KIF6: variants seen among roughly 807,000 people sequenced by gnomAD.
KIF6 encodes kinesin-like protein KIF6.
A neutral mutation model predicts 112.7 loss-of-function variants in KIF6; 106 were observed. That is an observed-to-expected ratio of 0.94 (90% CI 0.80 to 1.11). KIF6 has a LOEUF of 1.11. Ranked by LOEUF, KIF6 falls within the 50% of genes least tolerant of loss-of-function variation. The pLI is 0.00. For synonymous variants in KIF6, 339 were observed against 339.9 expected, an observed-to-expected ratio of 1.00 and a Z score of 0.03; for missense variants, 929 against 964.0, an observed-to-expected ratio of 0.96 and a Z score of 0.48.
intron 12 of KIF6, 65 bp from the exon 13 acceptor site, chr6:39,540,286 T>C: frequency 1.0e-6 from 1 of 992,050 alleles, no homozygotes; most frequent in South Asian, 1.5e-5. Context: ...ACAAATGTCC[T>C]AAGTGTCATT....
At chr6:39,410,540 AC>A (rs1769405700) in intron 15 of KIF6, among the ~76,000 whole-genome samples, 1 of 152,238 alleles carries the variant, frequency 6.6e-6, no homozygotes, top group Non-Finnish European at 1.5e-5. Flanking sequence ...CTGACAATGA[AC>A]AACCTACCAT....
At chr6:39,564,688 C>T (rs1181749200) in intron 10 of KIF6, among the ~76,000 whole-genome samples, 1 of 152,104 alleles carries the variant, frequency 6.6e-6, no homozygotes, top group East Asian at 1.9e-4. Context: ...TCTTGGTGTG[C>T]TTTTGCTGTA....
chr6:39,679,358 T>A (rs1284049288), intron 3 of KIF6, among the ~76,000 whole-genome samples: 1 of 152,202 alleles, frequency 6.6e-6, no homozygotes, highest in African/African-American at 2.4e-5. Flanking sequence ...CACTGATGCT[T>A]ACCTTACCAC....
intron 13 of KIF6, among the ~76,000 whole-genome samples, chr6:39,495,395 T>A (rs1179479426): frequency 6.6e-6 from 1 of 152,146 alleles, no homozygotes; most frequent in Non-Finnish European, 1.5e-5. Context: ...CAGTGGGAAC[T>A]TCCTCAGCAG....
At chr6:39,541,874 A>C (rs1231748791) in intron 12 of KIF6, among the ~76,000 whole-genome samples, 1 of 152,188 alleles carries the variant, frequency 6.6e-6, no homozygotes, top group Non-Finnish European at 1.5e-5. Flanking sequence ...ACAGGCCCGG[A>C]AGTGGCTCCC....
intron 18 of KIF6, among the ~76,000 whole-genome samples, chr6:39,357,872 G>A (rs1764832778): frequency 6.6e-6 from 1 of 152,090 alleles, no homozygotes; most frequent in African/African-American, 2.4e-5. Flanking sequence ...GTCTAGGGAT[G>A]GTAAAGAATT....
chr6:39,545,589 ATGATGAAAACAG>A lies in KIF6; in HGVS notation c.1269_1280del (p.Cys424_His427del). Reference sequence around the variant, plus strand: ...GGGAAACATTTAAGTTTACCTTTAAATGATGAAAACAGTGATGAACTTTACGCATATCCGCGC... The same window carrying A: ...GGGAAACATTTAAGTTTACCTTTAAATGATGAACTTTACGCATATCCGCGC... On this transcript the variant is annotated inframe_deletion, in exon 11 of 23. Coordinates refer to ENST00000287152, the MANE Select transcript of KIF6 (RefSeq NM_145027.6). The A allele has an allele frequency of 6.2e-7, 1 of 1,608,282 alleles. No homozygotes were observed. The highest frequency in any genetic ancestry group is 8.5e-7 in the Non-Finnish European group (1 of 1,175,186).
At chr6:39,351,813 G>A (rs1006901627) in intron 19 of KIF6, among the ~76,000 whole-genome samples, 1 of 152,190 alleles carries the variant, frequency 6.6e-6, no homozygotes, top group Non-Finnish European at 1.5e-5. Flanking sequence ...TTATTCTCAT[G>A]GGGCAGATAC....
chr6:39,510,715 T>C (rs1290191508), intron 13 of KIF6, among the ~76,000 whole-genome samples: 1 of 151,864 alleles, frequency 6.6e-6, no homozygotes, highest in African/African-American at 2.4e-5. Context: ...TAAATGTAAA[T>C]GGGCTAAATG....
intron 3 of KIF6, among the ~76,000 whole-genome samples, chr6:39,644,617 A>G (rs1028205387): frequency 1.7e-4 from 25 of 148,068 alleles, no homozygotes; most frequent in Admixed American, 1.5e-3. Context: ...AAAATTCCAT[A>G]GAGATAGAAA....
chr6:39,365,960 C>T (rs781031810), intron 16 of KIF6, among the ~76,000 whole-genome samples: 4 of 152,176 alleles, frequency 2.6e-5, no homozygotes, highest in African/African-American at 4.8e-5. Context: ...TTAAAGGCTG[C>T]GGTCACCCCA....
intron 13 of KIF6, among the ~76,000 whole-genome samples, chr6:39,439,402 T>G (rs1161577727): frequency 6.6e-6 from 1 of 152,204 alleles, no homozygotes; most frequent in Non-Finnish European, 1.5e-5. Flanking sequence ...GAAATATGAA[T>G]GATTAAGAGA....
intron 7 of KIF6, among the ~76,000 whole-genome samples, chr6:39,586,658 A>G (rs1223276895): frequency 6.6e-6 from 1 of 152,238 alleles, no homozygotes; most frequent in Non-Finnish European, 1.5e-5. Context: ...AATAACCTGT[A>G]TAGAACTGGA....
intron 13 of KIF6, among the ~76,000 whole-genome samples, chr6:39,515,949 T>C (rs1472672905): frequency 1.3e-5 from 2 of 152,216 alleles, no homozygotes; most frequent in Admixed American, 1.3e-4. Flanking sequence ...TTCAGAATAA[T>C]AGTACCTAAT....
chr6:39,605,308 AT>A (rs1388034331), intron 6 of KIF6, among the ~76,000 whole-genome samples: 1 of 151,984 alleles, frequency 6.6e-6, no homozygotes, highest in African/African-American at 2.4e-5. Flanking sequence ...TTGAGTTTGA[AT>A]TTTTTTCTTT....
At chr6:39,483,603 A>G (rs1270781096) in intron 13 of KIF6, among the ~76,000 whole-genome samples, 1 of 152,184 alleles carries the variant, frequency 6.6e-6, no homozygotes, top group East Asian at 1.9e-4. Context: ...CAGGTTTTAA[A>G]CCAGTGCATT....
intron 13 of KIF6, among the ~76,000 whole-genome samples, chr6:39,475,444 A>G (rs1774371303): frequency 1.3e-5 from 2 of 152,230 alleles, no homozygotes; most frequent in Non-Finnish European, 1.5e-5. Flanking sequence ...ATCTTCATCA[A>G]CAGGGCTATT....
intron 15 of KIF6, among the ~76,000 whole-genome samples, chr6:39,399,709 A>T (rs371333600): frequency 6.3e-4 from 96 of 152,346 alleles, no homozygotes; most frequent in African/African-American, 2.2e-3. Flanking sequence ...GGCCTGCCTG[A>T]GGGTGTGTGG....
chr6:39,334,938 C>T lies in KIF6; in HGVS notation c.*1594G>A, dbSNP rs1170966780. On this transcript the variant is annotated 3_prime_UTR_variant, in exon 23 of 23. Coordinates refer to ENST00000287152, the MANE Select transcript of KIF6 (RefSeq NM_145027.6). ...GCCAGGAGTGGACCAGAGATGCTGG[C>T]CCCTGTCCCGATGGGATTCAGTCAG... 1 of 152,180 alleles carries T rather than the reference C, an allele frequency of 6.6e-6. No individual in the cohort carries two copies. The highest frequency in any genetic ancestry group is 1.5e-5 in the Non-Finnish European group (1 of 68,060). The allele number at this position is 152,180 out of a possible 1,614,324, so 9.4% of individuals were successfully genotyped here.
Sources: allele counts gnomAD v4.1 joint callset (sites outside exome capture counted in the v4.1 genomes callset), GRCh38; gene constraint gnomAD v4.1.1; transcripts MANE v1.5; gene names NCBI Gene and HGNC (gene_info 2026-07-23, HGNC 2026-07-21).